The following MAP4K3 variants were observed in gnomAD, a reference collection of about 807,000 sequenced individuals.
The protein encoded by MAP4K3 is mitogen-activated protein kinase kinase kinase kinase 3.
MAP4K3 carries 94 observed loss-of-function variants against 143.5 expected under a neutral mutation model. That is an observed-to-expected ratio of 0.65 (90% confidence interval 0.55 to 0.78). MAP4K3 has a LOEUF of 0.78. MAP4K3 is among the 30% of genes least tolerant of loss of function. The pLI is 0.00. For missense variants in MAP4K3, 1,077 were observed against 1,068.1 expected (o/e 1.01, Z -0.12); for synonymous variants, 416 against 347.2 (o/e 1.20, Z -2.20).
chr2:39,311,874 C>T (rs747119158), intron 13 of MAP4K3, among the ~76,000 whole-genome samples: 3 of 152,046 alleles, frequency 2.0e-5, no homozygotes, highest in African/African-American at 4.8e-5. Context: ...AGCAGATATA[C>T]AGAAAGTGAG....
intron 1 of MAP4K3, among the ~76,000 whole-genome samples, chr2:39,410,061 T>C (rs1030283766): frequency 1.3e-5 from 2 of 152,246 alleles, no homozygotes; most frequent in Non-Finnish European, 2.9e-5. Context: ...GCTTTTTCAA[T>C]ATCCTTTACG....
At chr2:39,427,064 T>C (rs1665111639) in intron 1 of MAP4K3, among the ~76,000 whole-genome samples, 1 of 151,672 alleles carries the variant, frequency 6.6e-6, no homozygotes, top group Non-Finnish European at 1.5e-5. Flanking sequence ...ATCTTAAAAG[T>C]CAAACAGGGA....
chr2:39,418,301 A>G (rs1667442773), intron 1 of MAP4K3, among the ~76,000 whole-genome samples: 1 of 152,222 alleles, frequency 6.6e-6, no homozygotes, highest in Admixed American at 6.5e-5. Context: ...TCTGGGCAAC[A>G]AAATAAATCA....
At chr2:39,384,741 T>C (rs1666449189) in intron 1 of MAP4K3, among the ~76,000 whole-genome samples, 1 of 152,200 alleles carries the variant, frequency 6.6e-6, no homozygotes, top group African/African-American at 2.4e-5. Flanking sequence ...CAAAATGAAA[T>C]ATTTAAAATT....
intron 1 of MAP4K3, among the ~76,000 whole-genome samples, chr2:39,421,269 A>G (rs780277829): frequency 1.3e-5 from 2 of 152,206 alleles, no homozygotes; most frequent in Non-Finnish European, 2.9e-5. Context: ...TCTCTACAGA[A>G]CAACACAGTG....
chr2:39,405,325 C>T (rs1032348713), intron 1 of MAP4K3, among the ~76,000 whole-genome samples: 10 of 152,198 alleles, frequency 6.6e-5, no homozygotes, highest in African/African-American at 1.7e-4. Flanking sequence ...CCACCAAGGA[C>T]GTACCTCTAC....
intron 15 of MAP4K3, chr2:39,303,095 G>C (rs1453003469): frequency 1.2e-5 from 2 of 167,024 alleles, no homozygotes; most frequent in African/African-American, 4.8e-5. Flanking sequence ...GCAGCAGGAA[G>C]TCAATAGAAT....
At chr2:39,269,107 C>G in intron 26 of MAP4K3, among the ~76,000 whole-genome samples, 1 of 64,492 alleles carries the variant, frequency 1.6e-5, no homozygotes, top group Non-Finnish European at 4.2e-5. Context: ...GTGCTCTGTA[C>G]AAGTCTTTTT....
rs1664998928 is a variant in MAP4K3, at chr2:39,337,407, CATTTT to C, written c.366+114_366+118del. ...CACAATTTTCAAATGTATTAAAACT[CATTTT>C]AAGAGTTTACCAAACTAAAATATTT... On this transcript the variant is annotated intron_variant, in intron 5 of 33. Transcript: ENST00000263881. 4 of 630,770 alleles carry C rather than the reference CATTTT, an allele frequency of 6.3e-6. No individual in the cohort carries two copies. In the South Asian group the frequency reaches 7.5e-5, roughly 12 times the overall value. The allele number at this position is 630,770 out of a possible 1,614,324, so 39.1% of individuals were successfully genotyped here.
At chr2:39,285,051 T>A (rs1379611850) in intron 21 of MAP4K3, among the ~76,000 whole-genome samples, 1 of 151,764 alleles carries the variant, frequency 6.6e-6, no homozygotes, top group African/African-American at 2.4e-5. Flanking sequence ...TGCCACCATG[T>A]CTGGCTAAAT....
chr2:39,368,584 C>T (rs781174458), intron 2 of MAP4K3, among the ~76,000 whole-genome samples: 1 of 151,654 alleles, frequency 6.6e-6, no homozygotes, highest in African/African-American at 2.4e-5. Context: ...GCAGGAGGAT[C>T]GCTTGAGCCC....
chr2:39,251,965 G>A (rs765582092), intron 32 of MAP4K3, 80 bp from the exon 33 acceptor site: 1 of 910,918 alleles, frequency 1.1e-6, no homozygotes, highest in Non-Finnish European at 1.8e-6. Flanking sequence ...TAATTCAACA[G>A]AAAAGAAACA....
intron 1 of MAP4K3, among the ~76,000 whole-genome samples, chr2:39,404,617 CTTTTTTTTTTTT>C (rs1174319224): frequency 1.4e-4 from 12 of 86,146 alleles, no homozygotes; most frequent in African/African-American, 5.7e-4. Flanking sequence ...TTCTTTCTTT[CTTTTTTTTTTTT>C]TTTTTTTTTG....
chr2:39,392,954 T>C (rs1323881070), intron 1 of MAP4K3, among the ~76,000 whole-genome samples: 2 of 152,214 alleles, frequency 1.3e-5, no homozygotes, highest in Non-Finnish European at 2.9e-5. Flanking sequence ...GTCTCAGGTA[T>C]TCCATTATAA....
chr2:39,395,391 CA>C (rs1666778514), intron 1 of MAP4K3, among the ~76,000 whole-genome samples: 1 of 152,012 alleles, frequency 6.6e-6, no homozygotes, highest in Non-Finnish European at 1.5e-5. Flanking sequence ...TCAGGCTACA[CA>C]GCAAGTATTA....
intron 7 of MAP4K3, among the ~76,000 whole-genome samples, chr2:39,333,149 T>A (rs1346407786): frequency 3.9e-5 from 6 of 152,184 alleles, no homozygotes; most frequent in Non-Finnish European, 8.8e-5. Flanking sequence ...TGTATTTTAT[T>A]TTAAAAGCTT....
intron 3 of MAP4K3, among the ~76,000 whole-genome samples, chr2:39,350,387 T>C (rs1373711915): frequency 6.6e-6 from 1 of 152,180 alleles, no homozygotes; most frequent in Non-Finnish European, 1.5e-5. Flanking sequence ...CAGAGAAAGC[T>C]GAGTGAAGGA....
At chr2:39,259,010 G>GCTT (rs1553399959) in intron 29 of MAP4K3, among the ~76,000 whole-genome samples, 1 of 145,014 alleles carries the variant, frequency 6.9e-6, no homozygotes, top group Non-Finnish European at 1.5e-5. Context: ...AATGAAAATT[G>GCTT]TTTTTTTTTT....
chr2:39,312,232 A>G (rs1245716070), intron 13 of MAP4K3, among the ~76,000 whole-genome samples: 1 of 152,158 alleles, frequency 6.6e-6, no homozygotes, highest in East Asian at 1.9e-4. Flanking sequence ...TTTCTAATGT[A>G]TTGAATGTTT....
Sources: allele counts gnomAD v4.1 joint callset (sites outside exome capture counted in the v4.1 genomes callset), GRCh38; gene constraint gnomAD v4.1.1; transcripts MANE v1.5; gene names NCBI Gene and HGNC (gene_info 2026-07-23, HGNC 2026-07-21).